The following INTS15 variants were observed in gnomAD, a reference collection of about 807,000 sequenced individuals.
INTS15 encodes uncharacterized protein C7orf26.
chr7:6,598,036 C>T, the INTS15 span, among the ~76,000 whole-genome samples: 1 of 152,196 alleles, frequency 6.6e-6, no homozygotes, highest in Non-Finnish European at 1.5e-5. Flanking sequence ...TGAGGGCACA[C>T]CTGCACAAGT....
At chr7:6,593,508 G>T in the INTS15 span, among the ~76,000 whole-genome samples, 7 of 151,506 alleles carry the variant, frequency 4.6e-5, no homozygotes, top group Non-Finnish European at 1.0e-4. Context: ...CAATTTTTTT[G>T]TATTTTTAGT....
the INTS15 span, among the ~76,000 whole-genome samples, chr7:6,598,297 C>G: frequency 6.6e-4 from 101 of 152,154 alleles, no homozygotes; most frequent in African/African-American, 2.2e-3. Context: ...TGGCGAAACC[C>G]CATCTCTACT....
the INTS15 span, chr7:6,594,287 T>G: frequency 5.2e-6 from 4 of 762,230 alleles, no homozygotes; most frequent in African/African-American, 6.9e-5. Context: ...ATTACAGATA[T>G]GAGCCACCAC....
At chr7:6,602,402 G>A in the INTS15 span, 2 of 496,216 alleles carry the variant, frequency 4.0e-6, no homozygotes. Flanking sequence ...CTGTTGAGTG[G>A]TGGGTGTGGC....
chr7:6,599,103 G>A, the INTS15 span, among the ~76,000 whole-genome samples: 609 of 152,192 alleles, frequency 4.0e-3, 3 homozygotes, highest in African/African-American at 0.014. Context: ...CGAGTCCTGG[G>A]GAAATCACTT....
the INTS15 span, among the ~76,000 whole-genome samples, chr7:6,594,001 CT>C: frequency 4.8e-3 from 333 of 68,944 alleles, 6 homozygotes; most frequent in Admixed American, 0.026. Flanking sequence ...AAGCCTTTAA[CT>C]TTTTTTTTTT....
At chr7:6,594,983 C>G in the INTS15 span, among the ~76,000 whole-genome samples, 2 of 152,160 alleles carry the variant, frequency 1.3e-5, no homozygotes, top group Non-Finnish European at 2.9e-5. Context: ...CCGCCTCGGC[C>G]TCCCAAACTG....
At chr7:6,608,097 T>G in the INTS15 span, 3 of 874,970 alleles carry the variant, frequency 3.4e-6, no homozygotes, top group Non-Finnish European at 4.7e-6. Flanking sequence ...CACCCCGCCC[T>G]GCCCACGCAT....
chr7:6,605,579 C>T, the INTS15 span, among the ~76,000 whole-genome samples: 4 of 152,198 alleles, frequency 2.6e-5, no homozygotes, highest in East Asian at 1.9e-4. Context: ...GACTCCATCC[C>T]TTCCAAGGAG....
At chr7:6,592,777 T>G in the INTS15 span, among the ~76,000 whole-genome samples, 5,190 of 151,498 alleles carry the variant, frequency 0.034, 106 homozygotes, top group Middle Eastern at 0.051. Flanking sequence ...CCTGGTTAGT[T>G]TTTGTATTTT....
the INTS15 span, chr7:6,591,557 C>G: frequency 8.2e-7 from 1 of 1,216,320 alleles, no homozygotes; most frequent in Non-Finnish European, 1.2e-6. Flanking sequence ...AGCCACCGCG[C>G]CCAGTCTATT....
chr7:6,591,607 G>A, the INTS15 span: 26 of 1,569,646 alleles, frequency 1.7e-5, no homozygotes, highest in South Asian at 2.8e-4. Flanking sequence ...GTACGTTACA[G>A]CCACATTTCT....
chr7:6,605,425 A>G, the INTS15 span, among the ~76,000 whole-genome samples: 81 of 152,226 alleles, frequency 5.3e-4, no homozygotes, highest in East Asian at 0.015. Flanking sequence ...CTTTTATTTA[A>G]CATTTTAATG....
chr7:6,590,823 C>CT, the INTS15 span, among the ~76,000 whole-genome samples: 62 of 148,926 alleles, frequency 4.2e-4, 1 homozygote, highest in East Asian at 5.5e-3. Context: ...ACATCTTTTT[C>CT]TTTTTTTTTT....
the INTS15 span, among the ~76,000 whole-genome samples, chr7:6,596,376 C>CTTTT: frequency 0.02 from 2,205 of 107,870 alleles, 76 homozygotes; most frequent in Non-Finnish European, 0.031. Context: ...ATCTGTCACC[C>CTTTT]TTTTTTTTTT....
At chr7:6,590,336 A>G in the INTS15 span, 3 of 1,598,116 alleles carry the variant, frequency 1.9e-6, no homozygotes, top group Non-Finnish European at 1.7e-6. Context: ...AGCGCCGCCA[A>G]GGAGGTGTTG....
the INTS15 span, among the ~76,000 whole-genome samples, chr7:6,603,133 C>A: frequency 8.6e-5 from 13 of 151,474 alleles, no homozygotes; most frequent in Admixed American, 7.3e-4. Flanking sequence ...ACCTGTAATC[C>A]CGGCTACTCG....
the INTS15 span, chr7:6,594,266 A>C: frequency 1.6e-6 from 1 of 631,986 alleles, no homozygotes; most frequent in Non-Finnish European, 2.7e-6. Context: ...TCGGCCTCTC[A>C]AAGTGTTGGG....
At chr7:6,592,019 A>G in the INTS15 span, 1 of 643,924 alleles carries the variant, frequency 1.6e-6, no homozygotes, top group Non-Finnish European at 2.6e-6. Flanking sequence ...TAAAAATACA[A>G]AATTAGCCGG....
Sources: allele counts gnomAD v4.1 joint callset (sites outside exome capture counted in the v4.1 genomes callset), GRCh38; gene constraint gnomAD v4.1.1; transcripts MANE v1.5; gene names NCBI Gene and HGNC (gene_info 2026-07-23, HGNC 2026-07-21).